EBF2: variants seen among roughly 807,000 people sequenced by gnomAD.
EBF2 encodes transcription factor COE2.
A neutral mutation model predicts 72.8 loss-of-function variants in EBF2; 21 were observed. The observed-to-expected ratio is 0.29, with a 90% confidence interval of 0.20 to 0.42. The LOEUF (loss-of-function observed/expected upper bound fraction) is 0.42, where lower values mean the gene tolerates loss of function less well. Ranked by LOEUF, EBF2 falls within the 10% of genes least tolerant of loss-of-function variation. The pLI, the probability that EBF2 is intolerant of heterozygous loss-of-function variation, is 1.00. For synonymous variants in EBF2, 299 were observed against 274.2 expected (o/e 1.09, Z -0.89); for missense variants, 637 against 731.2 (o/e 0.87, Z 1.49).
At position 25,850,878 on chromosome 8, in the gene EBF2, A is replaced by AT. The variant is rs201987298; in HGVS notation, c.1529-118dup. ...CCATGCATTGTTCCAGATTGCAGGG[A>AT]TTAAAAAAAAAAAGTTGAATGTGAC... On this transcript the variant is annotated intron_variant, in intron 14 of 15. Transcript: ENST00000520164. 3 of 1,205,314 alleles carry AT rather than the reference A, an allele frequency of 2.5e-6. No individual in the cohort carries two copies. In the South Asian group the frequency reaches 5.0e-5, roughly 20 times the overall value. 74.7% of individuals were successfully genotyped at this position (1,205,314 alleles called of 1,614,324 possible).
chr8:25,948,782 C>T (rs572387856), intron 6 of EBF2, among the ~76,000 whole-genome samples: 116 of 152,316 alleles, frequency 7.6e-4, no homozygotes, highest in Non-Finnish European at 1.4e-3. Flanking sequence ...GGTTTGGGAA[C>T]TCTGGGAGCT....
chr8:25,875,809 A>G (rs1010037995), intron 10 of EBF2, among the ~76,000 whole-genome samples: 2 of 152,234 alleles, frequency 1.3e-5, no homozygotes, highest in African/African-American at 4.8e-5. Context: ...TGTTTAAAAT[A>G]TACATTCCCT....
At chr8:25,962,544 T>TAA (rs542805714) in intron 6 of EBF2, among the ~76,000 whole-genome samples, 35 of 143,770 alleles carry the variant, frequency 2.4e-4, no homozygotes, top group African/African-American at 8.6e-4. Context: ...TGACCAAAAT[T>TAA]AAAAAAAAAA....
chr8:25,901,807 G>A (rs1802957884), intron 7 of EBF2, among the ~76,000 whole-genome samples: 1 of 152,210 alleles, frequency 6.6e-6, no homozygotes, highest in Non-Finnish European at 1.5e-5. Context: ...CACAAACACA[G>A]CTGGCACTGT....
chr8:25,852,957 G>T (rs1802012853), intron 14 of EBF2, among the ~76,000 whole-genome samples: 1 of 152,088 alleles, frequency 6.6e-6, no homozygotes, highest in Non-Finnish European at 1.5e-5. Context: ...ACAGAAATAG[G>T]CAGACAAATC....
chr8:25,931,115 T>G (rs1029297208), intron 6 of EBF2, among the ~76,000 whole-genome samples: 3 of 152,164 alleles, frequency 2.0e-5, no homozygotes, highest in Middle Eastern at 3.2e-3. Flanking sequence ...CATAGAAACT[T>G]GGATGTTTTC....
intron 1 of EBF2, among the ~76,000 whole-genome samples, chr8:26,043,438 A>G (rs1805642851): frequency 6.6e-6 from 1 of 152,266 alleles, no homozygotes; most frequent in Non-Finnish European, 1.5e-5. Flanking sequence ...TAAGGAGCCC[A>G]GCTAAGGAAA....
chr8:25,932,067 T>C (rs892185934), intron 6 of EBF2, among the ~76,000 whole-genome samples: 4 of 152,270 alleles, frequency 2.6e-5, no homozygotes, highest in Non-Finnish European at 2.9e-5. Context: ...TTCTGCCATA[T>C]TGAGAAGCCA....
At chr8:25,845,893 T>C (rs1801822764) in intron 15 of EBF2, among the ~76,000 whole-genome samples, 1 of 152,228 alleles carries the variant, frequency 6.6e-6, no homozygotes, top group African/African-American at 2.4e-5. Context: ...TGTTGCTTAC[T>C]AAGCTTCCAA....
intron 7 of EBF2, among the ~76,000 whole-genome samples, chr8:25,900,074 C>T (rs2117304294): frequency 6.6e-6 from 1 of 152,308 alleles, no homozygotes; most frequent in South Asian, 2.1e-4. Context: ...CCAGCAGGCC[C>T]ATCCTGGGCT....
intron 6 of EBF2, among the ~76,000 whole-genome samples, chr8:26,013,220 C>T (rs147253730): frequency 1.3e-3 from 202 of 152,294 alleles, no homozygotes; most frequent in Admixed American, 4.6e-3. Context: ...ATGACGATGA[C>T]GTCCCCATTA....
intron 6 of EBF2, among the ~76,000 whole-genome samples, chr8:25,995,629 A>G (rs753385080): frequency 1.3e-5 from 2 of 152,178 alleles, no homozygotes; most frequent in Non-Finnish European, 2.9e-5. Context: ...ATTTTATGGT[A>G]TGTAAACTAC....
At chr8:25,869,295 T>G (rs1802389281) in intron 10 of EBF2, among the ~76,000 whole-genome samples, 1 of 152,152 alleles carries the variant, frequency 6.6e-6, no homozygotes, top group Non-Finnish European at 1.5e-5. Flanking sequence ...AACTTTCTGC[T>G]TGTGCCACTG....
chr8:25,892,241 T>C (rs1316793644), intron 7 of EBF2, among the ~76,000 whole-genome samples: 4 of 152,194 alleles, frequency 2.6e-5, no homozygotes, highest in African/African-American at 7.2e-5. Flanking sequence ...TAAAAGTATA[T>C]AAATGTGGCT....
At position 26,033,106 on chromosome 8, in the gene EBF2, G is replaced by T; in HGVS notation, c.530C>A (p.Ser177Ter). 6.2e-7 allele frequency: 1 copy of T among 1,614,124 alleles called. No individual in the cohort carries two copies. The highest frequency in any genetic ancestry group is 8.5e-7 in the Non-Finnish European group (1 of 1,180,012). ...CTACCTGTCAATTATGACTGGGTCCGATGGAGTCTCATTTCGGTTTCCACA... is the reference window on the plus strand; with the variant it reads ...CTACCTGTCAATTATGACTGGGTCCTATGGAGTCTCATTTCGGTTTCCACA... ...KSCGNRNETP[S>*]DPVIIDRFFL... Residue 177 changes from serine to a stop codon, truncating the protein, a stop_gained, in exon 6 of 16, where the codon TCG (serine) becomes TAG (stop). Coordinates refer to ENST00000520164, the MANE Select transcript of EBF2 (RefSeq NM_022659.4). LOFTEE classifies it high-confidence loss of function.
At chr8:25,950,510 C>G (rs1803843856) in intron 6 of EBF2, among the ~76,000 whole-genome samples, 1 of 152,244 alleles carries the variant, frequency 6.6e-6, no homozygotes, top group South Asian at 2.1e-4. Context: ...CAGGCCGCCA[C>G]TGGCCACTGC....
chr8:25,906,729 T>C (rs763001586), intron 7 of EBF2, among the ~76,000 whole-genome samples: 2 of 151,812 alleles, frequency 1.3e-5, no homozygotes, highest in Non-Finnish European at 2.9e-5. Flanking sequence ...ATCATACCAT[T>C]GCACTCCAGC....
chr8:25,856,660 G>C (rs938575674), intron 14 of EBF2, among the ~76,000 whole-genome samples: 6 of 152,152 alleles, frequency 3.9e-5, no homozygotes, highest in African/African-American at 1.2e-4. Context: ...TCTTGCCACT[G>C]CATCATGTTT....
At chr8:25,948,862 A>T (rs556505548) in intron 6 of EBF2, among the ~76,000 whole-genome samples, 50 of 152,340 alleles carry the variant, frequency 3.3e-4, no homozygotes, top group South Asian at 2.7e-3. Context: ...GAGGCCAGCA[A>T]GGGTGTGGCT....
Sources: gnomAD v4.1 joint callset for allele counts (sites outside exome capture counted in the v4.1 genomes callset) on GRCh38, gnomAD v4.1.1 for gene constraint, MANE v1.5 for transcripts, NCBI Gene and HGNC (gene_info 2026-07-23, HGNC 2026-07-21) for gene names.